Variants in EMCN observed in about 807,000 individuals in gnomAD.
The protein encoded by EMCN is MUC-14.
EMCN carries 37 observed loss-of-function variants against 38.4 expected under a neutral mutation model. That is an observed-to-expected ratio of 0.96 (90% CI 0.74 to 1.27). EMCN has a LOEUF of 1.27. EMCN is among the 50% of genes most tolerant of loss of function. The pLI, the probability that EMCN is intolerant of heterozygous loss-of-function variation, is 0.00. For missense variants in EMCN, 318 were observed against 302.8 expected (o/e 1.05, Z -0.37); for synonymous variants, 95 against 100.8 (o/e 0.94, Z 0.35).
chr4:100,493,268 T>G (rs1729131753), intron 1 of EMCN, among the ~76,000 whole-genome samples: 1 of 152,216 alleles, frequency 6.6e-6, no homozygotes, highest in Non-Finnish European at 1.5e-5. Context: ...ATGACCACTT[T>G]TCTAGAATTT....
intron 4 of EMCN, among the ~76,000 whole-genome samples, chr4:100,452,523 C>A (rs775929216): frequency 6.6e-6 from 1 of 151,980 alleles, no homozygotes; most frequent in South Asian, 2.1e-4. Flanking sequence ...TAATCTTATT[C>A]TGCATTCTTG....
chr4:100,400,363 T>TG lies in EMCN; in HGVS notation c.*40-1991_*40-1990insC, dbSNP rs1041775760. Among the ~76,000 whole-genome samples, 12 of 151,646 alleles carry TG rather than the reference T, an allele frequency of 7.9e-5. No individual in the cohort carries two copies. In the South Asian group the frequency reaches 8.3e-4, roughly 11 times the overall value. ...CTTCACCTAGGCCACATTTTTTTTT[T>TG]TTGTTTTTTGTTTTTTTTCTCATTC... On this transcript the variant is annotated intron_variant, in intron 11 of 11. Transcript: ENST00000296420.
chr4:100,406,360 G>T (rs1434927925), intron 11 of EMCN, among the ~76,000 whole-genome samples: 3 of 152,062 alleles, frequency 2.0e-5, no homozygotes, highest in Admixed American at 1.3e-4. Context: ...ATTTTTTGAT[G>T]TGGGCATTTA....
At chr4:100,501,415 A>G (rs949838272) in intron 1 of EMCN, among the ~76,000 whole-genome samples, 2 of 152,158 alleles carry the variant, frequency 1.3e-5, no homozygotes, top group Non-Finnish European at 1.5e-5. Context: ...TGTGGCATCA[A>G]TGTGACTACC....
chr4:100,415,501 T>A (rs1041807463), intron 10 of EMCN, among the ~76,000 whole-genome samples: 1 of 152,196 alleles, frequency 6.6e-6, no homozygotes, highest in African/African-American at 2.4e-5. Context: ...AAAACATGAT[T>A]TACATTTTAA....
chr4:100,448,826 C>CCTTCTTT (rs1179151604), intron 4 of EMCN, among the ~76,000 whole-genome samples: 31,496 of 139,354 alleles, frequency 0.23, 4,212 homozygotes, highest in Middle Eastern at 0.29. Flanking sequence ...CTTCCTTCCT[C>CCTTCTTT]CCTCCCTCCC....
chr4:100,407,221 A>G (rs1244176599), intron 11 of EMCN, among the ~76,000 whole-genome samples: 1 of 152,136 alleles, frequency 6.6e-6, no homozygotes, highest in East Asian at 1.9e-4. Flanking sequence ...GCCCACTACC[A>G]TTCAAGGTTA....
chr4:100,430,135 A>G (rs922273618), intron 5 of EMCN, among the ~76,000 whole-genome samples: 2 of 152,206 alleles, frequency 1.3e-5, no homozygotes, highest in Non-Finnish European at 2.9e-5. Context: ...AGACTAGGTG[A>G]CAGACATTGT....
chr4:100,436,037 TTAAAC>T (rs1379914016), intron 5 of EMCN, among the ~76,000 whole-genome samples: 1 of 152,080 alleles, frequency 6.6e-6, no homozygotes, highest in Admixed American at 6.6e-5. Context: ...TGGGGTCTAA[TTAAAC>T]TAAAGAGCTT....
At chr4:100,462,922 T>A (rs1480101711) in intron 4 of EMCN, among the ~76,000 whole-genome samples, 3 of 152,156 alleles carry the variant, frequency 2.0e-5, no homozygotes, top group Non-Finnish European at 4.4e-5. Flanking sequence ...AGGTCTTGGA[T>A]AGCCACAATT....
intron 1 of EMCN, 23 bp from the exon 2 acceptor site, chr4:100,480,062 A>G: frequency 6.3e-7 from 1 of 1,598,778 alleles, no homozygotes; most frequent in Non-Finnish European, 8.5e-7. Context: ...AAGTAGTTGC[A>G]TTAACATTTA....
intron 4 of EMCN, among the ~76,000 whole-genome samples, chr4:100,455,812 T>A (rs1180381512): frequency 2.0e-5 from 3 of 152,116 alleles, no homozygotes; most frequent in African/African-American, 4.8e-5. Flanking sequence ...TTTTTTTTCT[T>A]GAGACAGAGT....
At chr4:100,450,149 A>C (rs1304988995) in intron 4 of EMCN, among the ~76,000 whole-genome samples, 1 of 152,000 alleles carries the variant, frequency 6.6e-6, no homozygotes, top group East Asian at 1.9e-4. Context: ...ATCTTAAAAG[A>C]ATCTCAGAAA....
At chr4:100,424,590 C>T (rs1726992443) in intron 5 of EMCN, among the ~76,000 whole-genome samples, 2 of 152,076 alleles carry the variant, frequency 1.3e-5, no homozygotes, top group South Asian at 2.1e-4. Flanking sequence ...TGAAGAATAA[C>T]GTTCAGAGTC....
chr4:100,498,819 A>G (rs1729277176), intron 1 of EMCN, among the ~76,000 whole-genome samples: 1 of 152,332 alleles, frequency 6.6e-6, no homozygotes, highest in Non-Finnish European at 1.5e-5. Context: ...ATAATTACAG[A>G]ATGCCTATAT....
chr4:100,460,292 C>T (rs905773773), intron 4 of EMCN, among the ~76,000 whole-genome samples: 2 of 152,078 alleles, frequency 1.3e-5, no homozygotes, highest in Admixed American at 1.3e-4. Context: ...TTTGCTATTA[C>T]ATTGTTTGAG....
intron 10 of EMCN, among the ~76,000 whole-genome samples, chr4:100,410,837 C>T (rs1560603665): frequency 1.3e-5 from 2 of 152,088 alleles, no homozygotes; most frequent in South Asian, 4.1e-4. Context: ...ATATACAGAG[C>T]AGCGCAGGTG....
intron 5 of EMCN, among the ~76,000 whole-genome samples, chr4:100,428,703 C>T (rs556676558): frequency 6.6e-6 from 1 of 152,232 alleles, no homozygotes; most frequent in East Asian, 1.9e-4. Flanking sequence ...ACCTTTTAAT[C>T]TTAACATCGG....
intron 8 of EMCN, among the ~76,000 whole-genome samples, chr4:100,420,014 T>G (rs1009443111): frequency 1.3e-5 from 2 of 152,130 alleles, no homozygotes; most frequent in Non-Finnish European, 2.9e-5. Context: ...TAAAAATAAT[T>G]GCTTTTTACC....
Sources: allele counts gnomAD v4.1 joint callset (sites outside exome capture counted in the v4.1 genomes callset), GRCh38; gene constraint gnomAD v4.1.1; transcripts MANE v1.5; gene names NCBI Gene and HGNC (gene_info 2026-07-23, HGNC 2026-07-21).